The following MACROH2A2 variants were observed in gnomAD, a reference collection of about 807,000 sequenced individuals.
MACROH2A2 encodes core histone macro-H2A.2.
MACROH2A2 carries 6 observed loss-of-function variants against 37.6 expected under a neutral mutation model. The observed-to-expected ratio is 0.16, with a 90% CI of 0.09 to 0.32. The LOEUF is 0.32. MACROH2A2 is among the 10% of genes least tolerant of loss of function. MACROH2A2 has a pLI of 1.00. For synonymous variants in MACROH2A2, 192 were observed against 202.7 expected (o/e 0.95, Z 0.45); for missense variants, 290 against 485.9 (o/e 0.60, Z 3.79).
At chr10:70,094,893 G>A (rs2072265680) in intron 5 of MACROH2A2, among the ~76,000 whole-genome samples, 1 of 152,194 alleles carries the variant, frequency 6.6e-6, no homozygotes. Context: ...CTCCAGCAAG[G>A]TTATTGGCTT....
At chr10:70,110,899 C>CTAAT (rs1396756917) in intron 8 of MACROH2A2, among the ~76,000 whole-genome samples, 4 of 151,546 alleles carry the variant, frequency 2.6e-5, no homozygotes, top group Admixed American at 1.3e-4. Context: ...GAAAAAAAAA[C>CTAAT]TAATTTAAAA....
At chr10:70,096,976 A>T (rs2072280112) in intron 6 of MACROH2A2, among the ~76,000 whole-genome samples, 1 of 152,222 alleles carries the variant, frequency 6.6e-6, no homozygotes, top group Non-Finnish European at 1.5e-5. Flanking sequence ...CCTGCCTCTC[A>T]CTGACACATT....
intron 2 of MACROH2A2, among the ~76,000 whole-genome samples, chr10:70,083,845 T>C (rs982758244): frequency 2.7e-5 from 4 of 150,680 alleles, no homozygotes; most frequent in South Asian, 4.2e-4. Context: ...CTACTTCAGT[T>C]TCTTGATCTG....
At chr10:70,071,730 T>C (rs1033045564) in intron 1 of MACROH2A2, among the ~76,000 whole-genome samples, 3 of 152,224 alleles carry the variant, frequency 2.0e-5, no homozygotes, top group African/African-American at 7.2e-5. Flanking sequence ...CTTACCATAC[T>C]GAATACTGCA....
chr10:70,104,555 A>G (rs561379318), intron 7 of MACROH2A2, among the ~76,000 whole-genome samples: 27 of 152,264 alleles, frequency 1.8e-4, no homozygotes, highest in African/African-American at 6.3e-4. Context: ...GGTGCCTGTA[A>G]TCCCAGCTAC....
chr10:70,084,489 C>T (rs145665757), intron 2 of MACROH2A2, among the ~76,000 whole-genome samples: 42 of 152,296 alleles, frequency 2.8e-4, no homozygotes, highest in Non-Finnish European at 5.1e-4. Context: ...GTTAAAACTG[C>T]GAGCCCAGGT....
At chr10:70,079,340 G>C (rs1223678473) in intron 2 of MACROH2A2, among the ~76,000 whole-genome samples, 1 of 151,884 alleles carries the variant, frequency 6.6e-6, no homozygotes, top group Non-Finnish European at 1.5e-5. Context: ...GGGGAAGGGA[G>C]TCAGCCAGAT....
At chr10:70,073,887 A>T (rs1429870129) in intron 1 of MACROH2A2, among the ~76,000 whole-genome samples, 1 of 152,092 alleles carries the variant, frequency 6.6e-6, no homozygotes, top group African/African-American at 2.4e-5. Flanking sequence ...TGTTGGTATG[A>T]TGACCTAACC....
At chr10:70,082,956 T>C (rs1301924713) in intron 2 of MACROH2A2, among the ~76,000 whole-genome samples, 2 of 151,956 alleles carry the variant, frequency 1.3e-5, no homozygotes, top group Admixed American at 1.3e-4. Flanking sequence ...AATGGTTAAA[T>C]GGTAGATGTA....
chr10:70,066,125 G>A (rs1238627505), intron 1 of MACROH2A2, among the ~76,000 whole-genome samples: 1 of 152,074 alleles, frequency 6.6e-6, no homozygotes, highest in East Asian at 1.9e-4. Flanking sequence ...GATCACTTGA[G>A]GCCAGGAGTT....
At chr10:70,056,075 T>G (rs191645539) in intron 1 of MACROH2A2, among the ~76,000 whole-genome samples, 2 of 152,308 alleles carry the variant, frequency 1.3e-5, no homozygotes, top group Admixed American at 1.3e-4. Context: ...GATATAAAAT[T>G]ATACATCTCT....
At chr10:70,093,873 A>T (rs116983359) in intron 5 of MACROH2A2, 28 bp downstream of exon 5, 1 of 1,159,962 alleles carries the variant, frequency 8.6e-7, no homozygotes, top group Non-Finnish European at 1.3e-6. Flanking sequence ...CTTGTGCTAT[A>T]TTAAAACACC....
At chr10:70,067,445 A>G (rs1392234194) in intron 1 of MACROH2A2, among the ~76,000 whole-genome samples, 2 of 152,228 alleles carry the variant, frequency 1.3e-5, no homozygotes, top group Non-Finnish European at 2.9e-5. Flanking sequence ...ATGCTGGACC[A>G]CAGAGAAGAA....
rs1041863346 is a variant in MACROH2A2 at position 70,079,559 on chromosome 10, G to A, written c.172+3729G>A. On this transcript the variant is annotated intron_variant, in intron 2 of 8. Coordinates refer to ENST00000373255, the MANE Select transcript of MACROH2A2 (RefSeq NM_018649.3). The stretch of plus-strand genomic sequence containing the variant: ...AAGGCCACGTTGAGGGTTCGCGCGC[G>A]CGCGCGCACACACACACACACACAC... 1.3e-3 allele frequency among the ~76,000 whole-genome samples: 138 copies of A among 102,538 alleles called. 1 individual carries two copies. The highest frequency in any genetic ancestry group is 4.7e-3 in the African/African-American group (115 of 24,562). The allele number at this position is 102,538 out of a possible 152,430, so 67.3% of individuals were successfully genotyped here.
At chr10:70,109,007 G>A (rs2271698) in intron 7 of MACROH2A2, 26 bp from the exon 8 acceptor site, 1,059,311 of 1,604,572 alleles carry the variant, frequency 0.66, 364,920 homozygotes, top group Non-Finnish European at 0.72. Flanking sequence ...GAAATAACCC[G>A]CGGCATTTTC....
intron 7 of MACROH2A2, among the ~76,000 whole-genome samples, 159 bp downstream of exon 7, chr10:70,100,456 T>C (rs768545596): frequency 6.6e-5 from 10 of 152,228 alleles, no homozygotes; most frequent in Non-Finnish European, 1.0e-4. Context: ...GGCAGGCCCA[T>C]AGAGATCCTT....
chr10:70,108,967 G>A lies in MACROH2A2; in HGVS notation c.779-66G>A, dbSNP rs75159008. On this transcript the variant is annotated intron_variant, in intron 7 of 8. Transcript: ENST00000373255. ...TCTCCAGATCTAACAGGTACCTGAT[G>A]AGGTTAGGCTATAACCTAGGAAACC... 2.5e-3 allele frequency: 3,466 copies of A among 1,391,554 alleles called. 8 individuals are homozygous for A. The highest frequency in any genetic ancestry group is 3.0e-3 in the Non-Finnish European group (2,965 of 986,730). 86.2% of individuals were successfully genotyped at this position (1,391,554 alleles called of 1,614,324 possible).
intron 7 of MACROH2A2, among the ~76,000 whole-genome samples, chr10:70,108,806 G>C (rs1258364638): frequency 2.0e-5 from 3 of 152,114 alleles, no homozygotes; most frequent in African/African-American, 7.2e-5. Context: ...TGGCGCATCA[G>C]AGCAGCATTA....
At chr10:70,080,781 A>T (rs1471504869) in intron 2 of MACROH2A2, among the ~76,000 whole-genome samples, 1 of 149,708 alleles carries the variant, frequency 6.7e-6, no homozygotes, top group Non-Finnish European at 1.5e-5. Context: ...GCTACTTGGG[A>T]AGCTGAGGCA....
Sources: allele counts gnomAD v4.1 joint callset (sites outside exome capture counted in the v4.1 genomes callset), GRCh38; gene constraint gnomAD v4.1.1; transcripts MANE v1.5; gene names NCBI Gene and HGNC (gene_info 2026-07-23, HGNC 2026-07-21).